LRRC19: variants seen among roughly 807,000 people sequenced by gnomAD.
The protein encoded by LRRC19 is leucine rich repeat containing 19.
In LRRC19, 33 loss-of-function variants were observed where a neutral mutation model predicts 33.3. The ratio of observed to expected loss-of-function variants is 0.99; its 90% CI spans 0.75 to 1.33. The LOEUF is 1.33. Among genes scored for constraint, LRRC19 ranks in the 40% most tolerant of loss-of-function variants. LRRC19 has a pLI of 0.00. For missense variants in LRRC19, 463 were observed against 417.3 expected, an observed-to-expected ratio of 1.11 and a Z score of -0.95; for synonymous variants, 184 against 152.3, an observed-to-expected ratio of 1.21 and a Z score of -1.53.
At chr9:26,999,450 G>T (rs905741454) in intron 2 of LRRC19, among the ~76,000 whole-genome samples, 164 bp downstream of exon 2, 19 of 152,060 alleles carry the variant, frequency 1.2e-4, no homozygotes, top group Non-Finnish European at 1.9e-4. Context: ...TATAAATGAA[G>T]GCTGCTTTTG....
intron 1 of LRRC19, among the ~76,000 whole-genome samples, chr9:27,002,354 C>A (rs746011402): frequency 2.6e-5 from 4 of 152,218 alleles, no homozygotes; most frequent in Non-Finnish European, 5.9e-5. Flanking sequence ...GTTTATTTCA[C>A]CTGGGTGAAG....
intron 3 of LRRC19, among the ~76,000 whole-genome samples, chr9:26,997,212 CAA>C (rs59898737): frequency 1.5e-3 from 213 of 138,964 alleles, no homozygotes; most frequent in African/African-American, 4.7e-3. Context: ...AACTCTGTCT[CAA>C]AAAAAAAAAA....
At chr9:26,998,781 C>G (rs1355024064) in intron 2 of LRRC19, among the ~76,000 whole-genome samples, 1 of 149,832 alleles carries the variant, frequency 6.7e-6, no homozygotes, top group African/African-American at 2.5e-5. Flanking sequence ...GTCAGGAGTT[C>G]AAGACCAGCC....
rs1289107652 is a variant in LRRC19 at position 26,994,914 on chromosome 9, C to A, written c.*607G>T. The A allele has an allele frequency of 1.3e-5, 2 of 152,332 alleles. No individual in the cohort carries two copies. The highest frequency in any genetic ancestry group is 3.9e-4 in the East Asian group (2 of 5,186). 9.4% of individuals were successfully genotyped at this position (152,332 alleles called of 1,614,324 possible). A position where few individuals can be genotyped will look rare whatever the true frequency, so the allele number is the denominator to read the frequency against. ...TTATGGTGACAGCCTTTCTTTATAA[C>A]CAGAATCAATAGTGACTTATTAGGG... On this transcript the variant is annotated 3_prime_UTR_variant, in exon 5 of 5. Coordinates refer to ENST00000380055, the MANE Select transcript of LRRC19 (RefSeq NM_022901.3).
intron 1 of LRRC19, among the ~76,000 whole-genome samples, chr9:27,001,917 A>C (rs1337072263): frequency 2.0e-5 from 3 of 150,636 alleles, no homozygotes; most frequent in Non-Finnish European, 4.4e-5. Context: ...TTCTAGAGCA[A>C]TTCTCCAACG....
Position 26,995,246 on chromosome 9 carries a change from C to A in LRRC19, c.*275G>T. On this transcript the variant is annotated 3_prime_UTR_variant, in exon 5 of 5. Coordinates refer to ENST00000380055, the MANE Select transcript of LRRC19 (RefSeq NM_022901.3). ...ATTTTAATTCATGAATAATTTAGACCTTTTTACTAGTTCGTATGGTCACCC... is the reference window on the plus strand; with the variant it reads ...ATTTTAATTCATGAATAATTTAGACATTTTTACTAGTTCGTATGGTCACCC... The A allele has an allele frequency of 8.9e-6, 2 of 225,810 alleles. No homozygotes were observed. The highest frequency in any genetic ancestry group is 1.2e-4 in the South Asian group (1 of 8,548). The allele number at this position is 225,810 out of a possible 1,614,324, so 14.0% of individuals were successfully genotyped here.
chr9:26,996,462 G>C lies in LRRC19; in HGVS notation c.633C>G (p.Ser211Arg), dbSNP rs1349072160. Residue 211 changes from serine (S) to arginine (R), a missense_variant, in exon 4 of 5, where the codon AGC becomes AGG. Ser to Arg is a moderately radical substitution (Grantham distance 110). Transcript: ENST00000380055. Reference sequence around the variant, plus strand: ...CTGTTTTGATATTGTAGCTCTGCAGGCTGTTGGGGTAGCTACACATGGTGA... The same window carrying C: ...CTGTTTTGATATTGTAGCTCTGCAGCCTGTTGGGGTAGCTACACATGGTGA... ...ENITMCSYPN[S>R]LQSYNIKTVP... The C allele has an allele frequency of 6.5e-7, 1 of 1,537,390 alleles. No homozygotes were observed. The highest frequency in any genetic ancestry group is 8.8e-7 in the Non-Finnish European group (1 of 1,134,522).
rs767330662 is a variant in LRRC19, at chr9:26,996,304, A to G, written c.784+7T>C. 7.1e-6 allele frequency: 11 copies of G among 1,543,506 alleles called. No individual in the cohort carries two copies. Among genetic ancestry groups the G allele is most frequent in the African/African-American group, 5.4e-5 (4 of 73,532 alleles). On this transcript the variant is annotated splice_region_variant and intron_variant, in intron 4 of 4. Coordinates refer to ENST00000380055, the MANE Select transcript of LRRC19 (RefSeq NM_022901.3). ...AGCAGTGTTAATATATAGAACCAGT[A>G]TATTACCTGAATTTCTTGTTAAGTT...
rs1179000269 is a variant in LRRC19 at position 26,999,770 on chromosome 9, CTTTTTTTTT to C, written c.-9-76_-9-68del. On this transcript the variant is annotated intron_variant, in intron 1 of 4. Coordinates refer to ENST00000380055, the MANE Select transcript of LRRC19 (RefSeq NM_022901.3). ...TTTCCCTCTTTTGAATCTGTTTATTCTTTTTTTTTTTTTTTTTTTTTGGCTGAGACAGGG... is the reference window on the plus strand; with the variant it reads ...TTTCCCTCTTTTGAATCTGTTTATTCTTTTTTTTTTTTGGCTGAGACAGGG... 76 of 340,160 alleles carry C rather than the reference CTTTTTTTTT, an allele frequency of 2.2e-4. No homozygotes were observed. In the Middle Eastern group the frequency reaches 7.2e-3, roughly 32 times the overall value. 21.1% of individuals were successfully genotyped at this position (340,160 alleles called of 1,614,324 possible). A position where few individuals can be genotyped will look rare whatever the true frequency, so the allele number is the denominator to read the frequency against.
intron 3 of LRRC19, among the ~76,000 whole-genome samples, chr9:26,996,775 G>C (rs1828181131): frequency 6.6e-6 from 1 of 152,072 alleles, no homozygotes; most frequent in Non-Finnish European, 1.5e-5. Context: ...TTACAATCTG[G>C]ATCTCAGGCA....
intron 1 of LRRC19, among the ~76,000 whole-genome samples, chr9:27,004,533 T>C (rs1318075544): frequency 6.6e-6 from 1 of 152,212 alleles, no homozygotes; most frequent in Non-Finnish European, 1.5e-5. Context: ...AAGCATTTGC[T>C]AGCATTATTG....
intron 1 of LRRC19, among the ~76,000 whole-genome samples, chr9:26,999,993 A>T (rs1313192107): frequency 6.6e-6 from 1 of 151,098 alleles, no homozygotes; most frequent in Non-Finnish European, 1.5e-5. Flanking sequence ...CTGGTATCAA[A>T]CTCCTGGGTG....
intron 2 of LRRC19, 143 bp downstream of exon 2, chr9:26,999,471 A>G: frequency 2.2e-6 from 1 of 462,450 alleles, no homozygotes; most frequent in Non-Finnish European, 3.6e-6. Flanking sequence ...TCAAATTGGA[A>G]TTTGGATATA....
intron 1 of LRRC19, among the ~76,000 whole-genome samples, chr9:27,002,803 AT>A (rs907851549): frequency 4.6e-5 from 7 of 151,152 alleles, no homozygotes; most frequent in Middle Eastern, 3.4e-3. Flanking sequence ...GAATTTTAGG[AT>A]TTTTTTTTCT....
chr9:26,993,190 G>C lies in LRRC19; in HGVS notation c.*2331C>G, dbSNP rs1477094595. Reference sequence around the variant, plus strand: ...ATTGAATACCCCATATTCAACAGAGGCCCTTGAATATAAAAGCTTAAGTGT... The same window carrying C: ...ATTGAATACCCCATATTCAACAGAGCCCCTTGAATATAAAAGCTTAAGTGT... On this transcript the variant is annotated 3_prime_UTR_variant, in exon 5 of 5. Transcript: ENST00000380055. The C allele has an allele frequency of 6.6e-6, 1 of 151,966 alleles. No individual in the cohort carries two copies. Among genetic ancestry groups the C allele is most frequent in the Non-Finnish European group, 1.5e-5 (1 of 67,972 alleles). 9.4% of individuals were successfully genotyped at this position (151,966 alleles called of 1,614,324 possible).
intron 1 of LRRC19, among the ~76,000 whole-genome samples, chr9:27,003,200 G>A (rs1828591811): frequency 6.6e-6 from 1 of 151,296 alleles, no homozygotes; most frequent in Non-Finnish European, 1.5e-5. Context: ...GAGTATTTAG[G>A]GTTTGTTTTT....
Position 26,998,006 on chromosome 9 carries a change from C to G in LRRC19, c.317G>C (p.Arg106Thr), listed in dbSNP as rs147498217. 159 of 1,613,734 alleles carry G rather than the reference C, an allele frequency of 9.9e-5. No homozygotes were observed. Among genetic ancestry groups the G allele is most frequent in the Non-Finnish European group, 1.2e-4 (144 of 1,179,930 alleles). ...LSSLEILNIC[R>T]NSIYVIQQGA... ...CTGTTGAATTACATAGATGGAGTTT[C>G]TACAGATATTTAAAATTTCTAGACT... is the stretch of plus-strand genomic sequence containing the variant. The change falls in exon 3 of 5, where the codon AGA becomes ACA. Residue 106 changes from arginine to threonine, a missense_variant. Physicochemically the swap from Arg to Thr is moderately conservative, Grantham distance 71 (BLOSUM62 -1). Coordinates refer to ENST00000380055, the MANE Select transcript of LRRC19 (RefSeq NM_022901.3).
chr9:27,004,597 A>G (rs772442047), intron 1 of LRRC19, among the ~76,000 whole-genome samples: 14 of 152,260 alleles, frequency 9.2e-5, no homozygotes, highest in Non-Finnish European at 1.8e-4. Context: ...CAAGTAGATT[A>G]TGCAGAAATT....
chr9:26,995,841 G>A lies in LRRC19; in HGVS notation c.793C>T (p.Pro265Ser). 2 of 1,598,576 alleles carry A rather than the reference G, an allele frequency of 1.3e-6. No homozygotes were observed. The highest frequency in any genetic ancestry group is 1.7e-6 in the Non-Finnish European group (2 of 1,172,652). ...NNLTRNSEHE[P>S]LGKSWAFLVG... ...AGAAAAGCCCAACTTTTTCCAAGAG[G>A]TTCATGTTCTTTAATGGAATACCAA... is the stretch of plus-strand genomic sequence containing the variant. Residue 265 changes from proline (P) to serine (S), a missense_variant, in exon 5 of 5, where the codon CCT becomes TCT. Coordinates refer to ENST00000380055, the MANE Select transcript of LRRC19 (RefSeq NM_022901.3).
Sources: allele counts gnomAD v4.1 joint callset (sites outside exome capture counted in the v4.1 genomes callset), GRCh38; gene constraint gnomAD v4.1.1; transcripts MANE v1.5; gene names NCBI Gene and HGNC (gene_info 2026-07-23, HGNC 2026-07-21).